DACH1: variants seen among roughly 807,000 people sequenced by gnomAD.
DACH1 encodes dachshund family transcription factor 1, also known as dachshund homolog 1.
A neutral mutation model predicts 54.2 loss-of-function variants in DACH1; 12 were observed. The ratio of observed to expected loss-of-function variants is 0.22; its 90% CI spans 0.14 to 0.36. DACH1 has a LOEUF of 0.36. Ranked by LOEUF, DACH1 falls within the 10% of genes least tolerant of loss-of-function variation. The probability of loss-of-function intolerance (pLI) is 1.00; values close to 1 mark genes in which losing one functional copy is unlikely to be tolerated. For missense variants in DACH1, 805 were observed against 929.8 expected (o/e 0.87, Z 1.75); for synonymous variants, 386 against 366.2 (o/e 1.05, Z -0.62).
chr13:71,832,432 GT>G lies in DACH1; in HGVS notation c.848+33489del, dbSNP rs1271371714. Among the ~76,000 whole-genome samples, 3 of 151,724 alleles carry G rather than the reference GT, an allele frequency of 2.0e-5. No homozygotes were observed. In the East Asian group the frequency reaches 5.8e-4, roughly 29 times the overall value. On this transcript the variant is annotated intron_variant, in intron 1 of 10. Transcript: ENST00000613252. ...CCTGCATAAACATAAAAAAATAAGT[GT>G]TTCGATTTTTGTTTTTAATGTAAAA...
chr13:71,519,409 T>C (rs926584932), intron 6 of DACH1, among the ~76,000 whole-genome samples: 1 of 151,834 alleles, frequency 6.6e-6, no homozygotes, highest in Non-Finnish European at 1.5e-5. Flanking sequence ...TTGATGATGA[T>C]GAAACATGGT....
chr13:71,544,562 G>A (rs376755574), intron 6 of DACH1, among the ~76,000 whole-genome samples: 1 of 152,210 alleles, frequency 6.6e-6, no homozygotes, highest in East Asian at 1.9e-4. Flanking sequence ...TTACTTAAAT[G>A]TATGAGATTA....
At chr13:71,606,572 G>A (rs1303230847) in intron 3 of DACH1, among the ~76,000 whole-genome samples, 1 of 151,996 alleles carries the variant, frequency 6.6e-6, no homozygotes, top group East Asian at 1.9e-4. Context: ...TTGGTCCCAA[G>A]TTGGTTTTCC....
At chr13:71,815,292 G>T in intron 1 of DACH1, among the ~76,000 whole-genome samples, 1 of 127,070 alleles carries the variant, frequency 7.9e-6, no homozygotes, top group African/African-American at 2.8e-5. Flanking sequence ...CTAGGTGTGG[G>T]TTTGAAAGTA....
At chr13:71,698,511 T>C (rs920816340) in intron 1 of DACH1, among the ~76,000 whole-genome samples, 1 of 151,906 alleles carries the variant, frequency 6.6e-6, no homozygotes, top group African/African-American at 2.4e-5. Context: ...AATCTAAAAA[T>C]TCATTCTGAA....
At chr13:71,847,727 A>G (rs1351851286) in intron 1 of DACH1, among the ~76,000 whole-genome samples, 1 of 152,212 alleles carries the variant, frequency 6.6e-6, no homozygotes, top group East Asian at 1.9e-4. Flanking sequence ...GAGAAAATCA[A>G]TTAGATCTGA....
In DACH1 at chr13:71,630,731, A is replaced by G; in HGVS notation, c.965-14T>C. 6.5e-7 allele frequency: 1 copy of G among 1,546,998 alleles called. No individual in the cohort carries two copies. The highest frequency in any genetic ancestry group is 2.3e-5 in the East Asian group (1 of 44,048). On this transcript the variant is annotated splice_polypyrimidine_tract_variant and intron_variant, in intron 2 of 10. Coordinates refer to ENST00000613252, the MANE Select transcript of DACH1 (RefSeq NM_080759.6). ...CTGCTGTCAGACCTTAAAAGAATAA[A>G]TTAAAAATGAGGTAATTCAAATTCT...
intron 2 of DACH1, among the ~76,000 whole-genome samples, chr13:71,654,482 AAT>A (rs1377977760): frequency 6.9e-6 from 1 of 144,740 alleles, no homozygotes. Context: ...AATAAAATAA[AAT>A]AAAATAAAAT....
intron 2 of DACH1, among the ~76,000 whole-genome samples, chr13:71,678,136 GA>G (rs1409216704): frequency 9.2e-5 from 14 of 152,196 alleles, no homozygotes; most frequent in African/African-American, 3.1e-4. Flanking sequence ...TTACTTCTCA[GA>G]ATACAAAAGT....
chr13:71,516,523 G>A (rs1881169216), intron 6 of DACH1, among the ~76,000 whole-genome samples: 1 of 151,860 alleles, frequency 6.6e-6, no homozygotes, highest in Admixed American at 6.6e-5. Flanking sequence ...ACTTAATGAA[G>A]TCCAGCCCAA....
chr13:71,823,208 G>C (rs1325401295), intron 1 of DACH1, among the ~76,000 whole-genome samples: 5 of 152,010 alleles, frequency 3.3e-5, no homozygotes, highest in Non-Finnish European at 5.9e-5. Context: ...AAGCTGTAAA[G>C]ATAAGACAGC....
At chr13:71,835,209 G>T (rs1888738342) in intron 1 of DACH1, among the ~76,000 whole-genome samples, 1 of 151,952 alleles carries the variant, frequency 6.6e-6, no homozygotes, top group Non-Finnish European at 1.5e-5. Context: ...AAAGAAACCG[G>T]CCTGTTCACT....
rs1877473521 is a variant in DACH1 at position 71,475,845 on chromosome 13, T to C, written c.1875A>G (p.Ile625Met). The change falls in exon 9 of 11, where the codon ATA becomes ATG. Residue 625 changes from isoleucine (I) to methionine (M), a missense_variant. Transcript: ENST00000613252. ...TCTCCTTCTTTAGCCTCTTTTGAACTATGGCTAAAAAAGAGTGTATGCATA... is the reference window on the plus strand; with the variant it reads ...TCTCCTTCTTTAGCCTCTTTTGAACCATGGCTAAAAAAGAGTGTATGCATA... ...QLAMEQKNRA[I>M]VQKRLKKEKK... is the part of the protein sequence containing the mutation. 17 of 1,604,280 alleles carry C rather than the reference T, an allele frequency of 1.1e-5. No homozygotes were observed. Among genetic ancestry groups the C allele is most frequent in the Non-Finnish European group, 1.4e-5 (17 of 1,176,716 alleles).
intron 6 of DACH1, among the ~76,000 whole-genome samples, chr13:71,505,255 T>A (rs1880219779): frequency 6.6e-6 from 1 of 152,108 alleles, no homozygotes; most frequent in Non-Finnish European, 1.5e-5. Flanking sequence ...GCTACTTTTT[T>A]GTATTTTAGT....
chr13:71,725,237 G>A (rs1883416981), intron 1 of DACH1, among the ~76,000 whole-genome samples: 2 of 152,030 alleles, frequency 1.3e-5, no homozygotes, highest in South Asian at 4.1e-4. Context: ...TCTTGACAAA[G>A]CTTTAATTGT....
rs190447249 is a variant in DACH1 at position 71,563,376 on chromosome 13, T to C, written c.1300-3421A>G. Reference sequence around the variant, plus strand: ...TGCAAGTCTGATTTTCCTGTCATAATAGATTTCTTGGTAGTGCTAATGGAA... The same window carrying C: ...TGCAAGTCTGATTTTCCTGTCATAACAGATTTCTTGGTAGTGCTAATGGAA... On this transcript the variant is annotated intron_variant, in intron 4 of 10. Transcript: ENST00000613252. Among the ~76,000 whole-genome samples, 1,030 of 152,128 alleles carry C rather than the reference T, an allele frequency of 6.8e-3. 5 individuals carry two copies. Among genetic ancestry groups the C allele is most frequent in the Non-Finnish European group, 0.01 (710 of 67,860 alleles).
intron 3 of DACH1, among the ~76,000 whole-genome samples, chr13:71,613,543 T>C (rs1047420901): frequency 6.6e-6 from 1 of 152,202 alleles, no homozygotes; most frequent in African/African-American, 2.4e-5. Context: ...TTAAGGTTAC[T>C]GCAGTGGCCA....
chr13:71,852,770 T>G (rs1397653347), intron 1 of DACH1, among the ~76,000 whole-genome samples: 1 of 152,166 alleles, frequency 6.6e-6, no homozygotes, highest in Admixed American at 6.5e-5. Context: ...GAAAAAACCC[T>G]CAACTGCTAA....
intron 1 of DACH1, among the ~76,000 whole-genome samples, chr13:71,728,029 C>G (rs1216590948): frequency 6.6e-6 from 1 of 152,030 alleles, no homozygotes; most frequent in Non-Finnish European, 1.5e-5. Context: ...CAAAACACTC[C>G]TCATGTCCAG....
Sources: allele counts gnomAD v4.1 joint callset (sites outside exome capture counted in the v4.1 genomes callset), GRCh38; gene constraint gnomAD v4.1.1; transcripts MANE v1.5; gene names NCBI Gene and HGNC (gene_info 2026-07-23, HGNC 2026-07-21).